Variants in SPIN3 observed in about 807,000 individuals in gnomAD.
SPIN3 encodes spindlin family member 3.
For synonymous variants in SPIN3, 74 were observed against 74.3 expected (o/e 1.00, Z 0.02); for missense variants, 176 against 196.4 (o/e 0.90, Z 0.62).
downstream of SPIN3, among the ~76,000 whole-genome samples, chrX:56,989,452 G>C (rs1430559043): frequency 9.0e-6 from 1 of 110,905 alleles, no homozygotes. Context: ...TTTACCCAAA[G>C]CCCTTGATTC....
intron 3 of SPIN3, chrX:56,979,798 A>C (rs1250700315): frequency 8.9e-6 from 1 of 112,048 alleles, no homozygotes; most frequent in African/African-American, 3.2e-5. Flanking sequence ...TTTATATCAG[A>C]TCTAAAGCCC....
At chrX:56,988,894 A>G (rs1481337771), downstream of SPIN3, among the ~76,000 whole-genome samples, 1 of 111,829 alleles carries the variant, frequency 8.9e-6, no homozygotes, top group Non-Finnish European at 1.9e-5. Flanking sequence ...CAGGTGCAAG[A>G]AGTGGCGTAG....
At chrX:56,995,041 C>A in intron 1 of SPIN3, 92 bp from the exon 2 acceptor site, 2 of 983,342 alleles carry the variant, frequency 2.0e-6, no homozygotes, top group Non-Finnish European at 2.7e-6. Flanking sequence ...CTAATCAGCG[C>A]ACCCAGTAAA....
chrX:56,978,491 G>A (rs1236308048), intron 4 of SPIN3: 2 of 111,943 alleles, frequency 1.8e-5, no homozygotes, highest in Non-Finnish European at 3.8e-5. Flanking sequence ...TCTGGGATGC[G>A]TCTGTGCCTG....
chrX:56,993,850 C>CGTATCATTA lies in SPIN3; in HGVS notation c.*320_*321insTAATGATAC. 2 of 167,039 alleles carry CGTATCATTA rather than the reference C, an allele frequency of 1.2e-5. No homozygotes were observed. The highest frequency in any genetic ancestry group is 2.1e-4 in the South Asian group (1 of 4,714). 13.8% of individuals were successfully genotyped at this position (167,039 alleles called of 1,213,427 possible). A position where few individuals can be genotyped will look rare whatever the true frequency, so the allele number is the denominator to read the frequency against. The stretch of plus-strand genomic sequence containing the variant: ...CTCAATGAGTGTAGAGTCCAAGTGC[C>CGTATCATTA]AAAAAGAGTGAGGTGAGAGGTGTTC... On this transcript the variant is annotated 3_prime_UTR_variant, in exon 2 of 2. Transcript: ENST00000374919.
At chrX:56,980,314 A>G (rs1435856451) in intron 3 of SPIN3, 1 of 111,594 alleles carries the variant, frequency 9.0e-6, no homozygotes, top group Non-Finnish European at 1.9e-5. Flanking sequence ...GGGAATATAT[A>G]CATTGTGGTA....
chrX:56,989,905 T>C (rs1924295191), downstream of SPIN3, among the ~76,000 whole-genome samples: 1 of 111,211 alleles, frequency 9.0e-6, no homozygotes, highest in South Asian at 3.8e-4. Flanking sequence ...AACATAATAA[T>C]AGAAATAAAT....
chrX:56,986,610 A>G (rs1479336653), downstream of SPIN3, among the ~76,000 whole-genome samples: 2 of 112,199 alleles, frequency 1.8e-5, no homozygotes, highest in Non-Finnish European at 3.8e-5. Context: ...ACATCCCGAC[A>G]TCCTCCAAGG....
downstream of SPIN3, among the ~76,000 whole-genome samples, chrX:56,986,234 G>A (rs1183105875): frequency 1.8e-5 from 2 of 111,326 alleles, no homozygotes; most frequent in Non-Finnish European, 3.8e-5. Flanking sequence ...ACAAATGAAT[G>A]AATTAAGTAG....
downstream of SPIN3, chrX:56,975,281 C>T (rs887230083): frequency 9.0e-6 from 1 of 111,623 alleles, no homozygotes; most frequent in African/African-American, 3.3e-5. Flanking sequence ...TTAAGATACA[C>T]ATTGATTCGG....
downstream of SPIN3, among the ~76,000 whole-genome samples, chrX:56,986,297 A>C (rs1924220235): frequency 1.8e-5 from 2 of 111,897 alleles, no homozygotes; most frequent in South Asian, 7.5e-4. Flanking sequence ...AGAGGGAAGA[A>C]TATGAATGAG....
Position 56,992,057 on chromosome X carries a change from A to AT in SPIN3, c.*2113_*2114insA, listed in dbSNP as rs1323406840. On this transcript the variant is annotated 3_prime_UTR_variant, in exon 2 of 2. Transcript: ENST00000374919. ...TGCCCAAAATTAAATTTCTAATTCA[A>AT]AGTCCAAAATAATTAAAGTCCAAAA... The AT allele has an allele frequency of 6.8e-6, 2 of 295,920 alleles. No individual in the cohort carries two copies. The highest frequency in any genetic ancestry group is 1.2e-5 in the Non-Finnish European group (2 of 170,024). 24.4% of individuals were successfully genotyped at this position (295,920 alleles called of 1,213,427 possible).
chrX:56,978,924 GCCCTAATATACATATAC>G (rs1924059359), intron 3 of SPIN3: 1 of 111,419 alleles, frequency 9.0e-6, no homozygotes, highest in Admixed American at 9.6e-5. Flanking sequence ...AGCCACTCCA[GCCCTAATATACATATAC>G]CCTTTATACT....
At chrX:56,986,521 T>C (rs1343978497), downstream of SPIN3, among the ~76,000 whole-genome samples, 2 of 111,727 alleles carry the variant, frequency 1.8e-5, no homozygotes, top group Non-Finnish European at 3.8e-5. Context: ...AAAATGGAGG[T>C]AGTAACACAC....
At chrX:56,976,464 G>A (rs943884180) in exon 6 of SPIN3, 6 of 111,249 alleles carry the variant, frequency 5.4e-5, no homozygotes, top group South Asian at 7.6e-4. Flanking sequence ...ACAAATTTTC[G>A]TTCCATTGCA....
At chrX:56,981,647 T>G (rs1371368286) in intron 3 of SPIN3, 1 of 112,313 alleles carries the variant, frequency 8.9e-6, no homozygotes, top group Non-Finnish European at 1.9e-5. Flanking sequence ...ATGGCATAGA[T>G]GAGCACTGCA....
chrX:56,981,191 T>C (rs1469950859), intron 3 of SPIN3, among the ~76,000 whole-genome samples: 2 of 108,643 alleles, frequency 1.8e-5, no homozygotes, highest in Non-Finnish European at 1.9e-5. Flanking sequence ...TGAAACCCCG[T>C]CTCTACTAAA....
Position 56,994,117 on chromosome X carries a change from TTC to T in SPIN3, c.*52_*53del. On this transcript the variant is annotated 3_prime_UTR_variant, in exon 2 of 2. Transcript: ENST00000374919. Reference sequence around the variant, plus strand: ...TACAAACTGGAAAGCAATCAAGACTTTCTGTGTCTACAGATTTAGAGTCTCAT... The same window carrying T: ...TACAAACTGGAAAGCAATCAAGACTTTGTGTCTACAGATTTAGAGTCTCAT... 2 of 1,078,100 alleles carry T rather than the reference TTC, an allele frequency of 1.9e-6. No individual in the cohort carries two copies. The highest frequency in any genetic ancestry group is 4.9e-5 in the South Asian group (2 of 41,211). 88.8% of individuals were successfully genotyped at this position (1,078,100 alleles called of 1,213,427 possible).
downstream of SPIN3, chrX:56,975,847 C>A: frequency 1.1e-5 from 1 of 94,416 alleles, no homozygotes; most frequent in East Asian, 3.6e-4. Flanking sequence ...GTCTGAAGAG[C>A]CACCTTATTG....
Sources: gnomAD v4.1 joint callset for allele counts (sites outside exome capture counted in the v4.1 genomes callset) on GRCh38, gnomAD v4.1.1 for gene constraint, MANE v1.5 for transcripts, NCBI Gene and HGNC (gene_info 2026-07-23, HGNC 2026-07-21) for gene names.